Variants in COL21A1 observed in about 807,000 individuals in gnomAD.
COL21A1 encodes the protein collagen type XXI alpha 1 chain.
Under a neutral mutation model 137.9 loss-of-function variants are expected in COL21A1, and 149 were observed. That is an observed-to-expected ratio of 1.08 (90% CI 0.95 to 1.24). The LOEUF is 1.24. Ranked by LOEUF, COL21A1 falls within the 50% of genes most tolerant of loss-of-function variation. COL21A1 has a pLI of 0.00. For missense variants in COL21A1, 1,167 were observed against 1,158.4 expected (o/e 1.01, Z -0.11); for synonymous variants, 456 against 391.5 (o/e 1.16, Z -1.95).
intron 9 of COL21A1, among the ~76,000 whole-genome samples, chr6:56,157,904 T>C (rs1270661997): frequency 1.3e-5 from 2 of 152,140 alleles, no homozygotes; most frequent in South Asian, 2.1e-4. Context: ...GAAAAAAAAC[T>C]TTATCCTCAA....
At chr6:56,257,980 G>T (rs1763151094) in intron 1 of COL21A1, among the ~76,000 whole-genome samples, 2 of 151,994 alleles carry the variant, frequency 1.3e-5, no homozygotes, top group South Asian at 4.2e-4. Flanking sequence ...TTTCTGGATT[G>T]AGATTATGGA....
chr6:56,182,453 C>G (rs1561957608), intron 2 of COL21A1, 78 bp downstream of exon 2: 3 of 904,250 alleles, frequency 3.3e-6, no homozygotes, highest in Non-Finnish European at 5.3e-6. Context: ...ATCCTTAAAA[C>G]CATTACTTGA....
chr6:56,348,520 T>C (rs527844913), intron 1 of COL21A1, among the ~76,000 whole-genome samples: 2 of 152,182 alleles, frequency 1.3e-5, no homozygotes, highest in African/African-American at 4.8e-5. Context: ...AGATTTCTGG[T>C]AAAATGAGAA....
intron 5 of COL21A1, among the ~76,000 whole-genome samples, chr6:56,169,811 A>C (rs1320849785): frequency 6.6e-6 from 1 of 151,930 alleles, no homozygotes; most frequent in Admixed American, 6.6e-5. Context: ...TGAATATCCT[A>C]TTGTAAATAC....
At position 56,125,610 on chromosome 6, in the gene COL21A1, C is replaced by G. The variant is rs1240347309; in HGVS notation, c.1607G>C (p.Gly536Ala). The change falls in exon 14 of 30, where the codon GGT becomes GCT. Residue 536 changes from glycine to alanine, a missense_variant. Physicochemically the swap from Gly to Ala is moderately conservative, Grantham distance 60. Coordinates refer to ENST00000244728, the MANE Select transcript of COL21A1 (RefSeq NM_030820.4). ...HGMPGSKGEM[G>A]AKGDKGSPGF... ...AGGTGATCCTTTGTCTCCTTTGGCACCCATTTCACCCTAAAAGACAAAATA... is the reference window on the plus strand; with the variant it reads ...AGGTGATCCTTTGTCTCCTTTGGCAGCCATTTCACCCTAAAAGACAAAATA... 6.3e-7 allele frequency: 1 copy of G among 1,585,758 alleles called. No homozygotes were observed. Among genetic ancestry groups the G allele is most frequent in the Admixed American group, 1.7e-5 (1 of 58,838 alleles).
chr6:56,186,424 C>G (rs1778306698), intron 1 of COL21A1, among the ~76,000 whole-genome samples: 1 of 152,156 alleles, frequency 6.6e-6, no homozygotes, highest in African/African-American at 2.4e-5. Flanking sequence ...TAAATTCTTT[C>G]CTTCTTAAAT....
At chr6:56,108,720 T>A (rs1041572267) in intron 16 of COL21A1, among the ~76,000 whole-genome samples, 4 of 151,896 alleles carry the variant, frequency 2.6e-5, no homozygotes, top group African/African-American at 9.7e-5. Flanking sequence ...AAGATCTAAA[T>A]AAGATATTCA....
At chr6:56,107,471 G>A (rs1582374736) in intron 16 of COL21A1, among the ~76,000 whole-genome samples, 1 of 152,002 alleles carries the variant, frequency 6.6e-6, no homozygotes, top group Non-Finnish European at 1.5e-5. Context: ...GCTTTTTGGA[G>A]TAACTGGGAT....
At chr6:56,133,292 T>A (rs1348951108) in intron 12 of COL21A1, among the ~76,000 whole-genome samples, 1 of 152,138 alleles carries the variant, frequency 6.6e-6, no homozygotes, top group Non-Finnish European at 1.5e-5. Flanking sequence ...TAAAAGCAAC[T>A]CTTGTTATGT....
intron 1 of COL21A1, among the ~76,000 whole-genome samples, chr6:56,222,592 T>A (rs1204904730): frequency 1.3e-5 from 2 of 152,124 alleles, no homozygotes; most frequent in Non-Finnish European, 2.9e-5. Context: ...AGATTTCCCA[T>A]TAGAAGACAA....
At chr6:56,294,816 G>T (rs948972751) in intron 1 of COL21A1, among the ~76,000 whole-genome samples, 3 of 151,962 alleles carry the variant, frequency 2.0e-5, no homozygotes, top group Non-Finnish European at 2.9e-5. Flanking sequence ...AGTTTTAAAA[G>T]GAGTTCTTTG....
At chr6:56,067,636 C>G (rs755987389) in intron 22 of COL21A1, among the ~76,000 whole-genome samples, 12 of 151,646 alleles carry the variant, frequency 7.9e-5, no homozygotes, top group Non-Finnish European at 1.8e-4. Context: ...GACAAACTAA[C>G]AAGAGAGGAC....
chr6:56,138,479 G>A (rs534773752), intron 12 of COL21A1, among the ~76,000 whole-genome samples: 21 of 152,052 alleles, frequency 1.4e-4, no homozygotes, highest in African/African-American at 4.1e-4. Flanking sequence ...AAGAGCCAAC[G>A]AGAAAACATG....
rs1562028799 is a variant in COL21A1 at position 56,260,639 on chromosome 6, G to GAA, written c.-38-77984_-38-77983insTT. ...AAAGAGAGAGAGAGGAAGGAAGGAA[G>GAA]GAAGGAAGGAAGGAAGGAATGAAGG... On this transcript the variant is annotated intron_variant, in intron 1 of 28. Transcript: ENST00000370819. Among the ~76,000 whole-genome samples the GAA allele has an allele frequency of 7.2e-3, 354 of 48,964 alleles. 12 individuals carry two copies. The highest frequency in any genetic ancestry group is 0.048 in the Middle Eastern group (5 of 104). 32.1% of individuals were successfully genotyped at this position (48,964 alleles called of 152,430 possible).
At chr6:56,078,517 T>C (rs2114138316) in intron 17 of COL21A1, among the ~76,000 whole-genome samples, 1 of 151,774 alleles carries the variant, frequency 6.6e-6, no homozygotes, top group East Asian at 1.9e-4. Flanking sequence ...AGGAAAGCAG[T>C]ACTCTTCAGT....
At chr6:56,098,252 T>C (rs1422075459) in intron 17 of COL21A1, among the ~76,000 whole-genome samples, 3 of 71,038 alleles carry the variant, frequency 4.2e-5, no homozygotes, top group African/African-American at 1.8e-4. Flanking sequence ...TATATAAATA[T>C]ATAAATACAT....
chr6:56,386,798 T>A lies in COL21A1; in HGVS notation c.-39+7173A>T, dbSNP rs1581799860. On this transcript the variant is annotated intron_variant, in intron 1 of 28. Transcript: ENST00000370819. ...AAAGTAGAAAAGCCAGTTTTCCAGATTAAATCTGATGACCTCATGAACAAA... is the reference window on the plus strand; with the variant it reads ...AAAGTAGAAAAGCCAGTTTTCCAGAATAAATCTGATGACCTCATGAACAAA... 2.0e-5 allele frequency among the ~76,000 whole-genome samples: 3 copies of A among 152,108 alleles called. No individual in the cohort carries two copies. The East Asian group carries it at 5.8e-4, about 29-fold the overall frequency.
At position 56,306,060 on chromosome 6, in the gene COL21A1, G is replaced by C. The variant is rs1344994854; in HGVS notation, c.-39+87911C>G. Among the ~76,000 whole-genome samples, 3 of 24,604 alleles carry C rather than the reference G, an allele frequency of 1.2e-4. 1 individual carries two copies. The highest frequency in any genetic ancestry group is 6.7e-4 in the Non-Finnish European group (2 of 3,002). The allele number at this position is 24,604 out of a possible 152,430, so 16.1% of individuals were successfully genotyped here. On this transcript the variant is annotated intron_variant, in intron 1 of 28. Coordinates refer to the COL21A1 transcript ENST00000370819. The stretch of plus-strand genomic sequence containing the variant: ...TTTTCTTTAAGAATGTTGAATATTG[G>C]CACTCTCTTCTGGCTTGTAGAGTTT...
At chr6:56,375,376 A>G (rs1300382911) in intron 1 of COL21A1, among the ~76,000 whole-genome samples, 1 of 152,170 alleles carries the variant, frequency 6.6e-6, no homozygotes, top group East Asian at 1.9e-4. Context: ...AATTGAGTTC[A>G]GCCAGTGGTA....
Sources: gnomAD v4.1 joint callset for allele counts (sites outside exome capture counted in the v4.1 genomes callset) on GRCh38, gnomAD v4.1.1 for gene constraint, MANE v1.5 for transcripts, NCBI Gene and HGNC (gene_info 2026-07-23, HGNC 2026-07-21) for gene names.